Variants in OR51B5 observed in about 807,000 individuals in gnomAD.
OR51B5 encodes olfactory receptor 51B5.
For missense variants in OR51B5, 456 were observed against 374.6 expected, an observed-to-expected ratio of 1.22 and a Z score of -1.79; for synonymous variants, 186 against 144.8, an observed-to-expected ratio of 1.28 and a Z score of -2.04.
chr11:5,487,663 A>G (rs1050174932), intron 1 of OR51B5, among the ~76,000 whole-genome samples: 1 of 152,212 alleles, frequency 6.6e-6, no homozygotes, highest in African/African-American at 2.4e-5. Flanking sequence ...TACAGCAAGA[A>G]CAGAATCCCC....
At chr11:5,479,633 C>T (rs1564827462) in intron 1 of OR51B5, among the ~76,000 whole-genome samples, 1 of 152,056 alleles carries the variant, frequency 6.6e-6, no homozygotes, top group Non-Finnish European at 1.5e-5. Context: ...TGTGCAGAGA[C>T]ACACGTAGGC....
chr11:5,499,114 A>G (rs929768703), intron 1 of OR51B5, among the ~76,000 whole-genome samples: 3 of 152,196 alleles, frequency 2.0e-5, no homozygotes, highest in African/African-American at 7.2e-5. Context: ...AAATTAGGGG[A>G]TGACAGGGCA....
chr11:5,361,166 T>A (rs893275574), intron 1 of OR51B5, among the ~76,000 whole-genome samples: 1 of 150,958 alleles, frequency 6.6e-6, no homozygotes, highest in African/African-American at 2.4e-5. Context: ...GAAAGAAATC[T>A]GCTGCAAAAA....
At chr11:5,414,502 G>C (rs1295743918) in intron 1 of OR51B5, among the ~76,000 whole-genome samples, 1 of 151,936 alleles carries the variant, frequency 6.6e-6, no homozygotes, top group African/African-American at 2.4e-5. Context: ...TGGATAAAGA[G>C]TCAAGACCCA....
intron 1 of OR51B5, among the ~76,000 whole-genome samples, chr11:5,471,967 C>G (rs577750056): frequency 1.3e-5 from 2 of 152,112 alleles, no homozygotes; most frequent in Admixed American, 1.3e-4. Flanking sequence ...CTGAAAGTTC[C>G]GGATCCCATC....
intron 1 of OR51B5, among the ~76,000 whole-genome samples, chr11:5,369,061 T>G (rs980334714): frequency 1.3e-5 from 2 of 152,184 alleles, no homozygotes; most frequent in Non-Finnish European, 2.9e-5. Flanking sequence ...TGAGTGCCTT[T>G]GAAGCAGAAT....
downstream of OR51B5, among the ~76,000 whole-genome samples, chr11:5,342,042 A>G (rs926179568): frequency 6.6e-6 from 1 of 152,206 alleles, no homozygotes; most frequent in Admixed American, 6.5e-5. Flanking sequence ...TAGACTGTTG[A>G]GATGATAAGT....
In OR51B5 at chr11:5,453,880, G is replaced by A. The variant is rs372469717; in HGVS notation, n.84+51689C>T. Reference sequence around the variant, plus strand: ...TATGTGGCCATTTGTGACCCCTTGCGCTATGCAACTGTGCTCACCACTGAA... The same window carrying A: ...TATGTGGCCATTTGTGACCCCTTGCACTATGCAACTGTGCTCACCACTGAA... On this transcript the variant is annotated intron_variant and non_coding_transcript_variant, in intron 1 of 4. Coordinates refer to the OR51B5 transcript ENST00000415970. The A allele has an allele frequency of 3.6e-5, 58 of 1,614,048 alleles. No homozygotes were observed. Among genetic ancestry groups the A allele is most frequent in the African/African-American group, 2.3e-4 (17 of 74,924 alleles).
At chr11:5,470,448 T>C (rs540254518) in intron 1 of OR51B5, among the ~76,000 whole-genome samples, 1 of 152,314 alleles carries the variant, frequency 6.6e-6, no homozygotes, top group South Asian at 2.1e-4. Context: ...TTGGAAATTA[T>C]TGTCTACCCA....
chr11:5,433,818 T>A (rs1353991560), intron 1 of OR51B5, among the ~76,000 whole-genome samples: 1 of 151,430 alleles, frequency 6.6e-6, no homozygotes, highest in Non-Finnish European at 1.5e-5. Context: ...GGCAACAGAA[T>A]GAGATCTTAC....
chr11:5,394,393 AC>A (rs1436717397), intron 1 of OR51B5, among the ~76,000 whole-genome samples: 3 of 152,122 alleles, frequency 2.0e-5, no homozygotes, highest in Non-Finnish European at 4.4e-5. Context: ...ACAACAACAA[AC>A]CAAAAAAAAC....
At chr11:5,350,529 G>C (rs1036028474) in intron 1 of OR51B5, among the ~76,000 whole-genome samples, 13 of 152,044 alleles carry the variant, frequency 8.6e-5, no homozygotes, top group Admixed American at 2.0e-4. Flanking sequence ...TGAAATCTTA[G>C]AATTCTAATG....
At chr11:5,485,463 C>T (rs931027750) in intron 1 of OR51B5, among the ~76,000 whole-genome samples, 1 of 152,204 alleles carries the variant, frequency 6.6e-6, no homozygotes, top group Non-Finnish European at 1.5e-5. Flanking sequence ...TCTGCTTGGG[C>T]TGAGCAATGA....
intron 1 of OR51B5, chr11:5,441,612 T>C (rs1466910078): frequency 1.2e-6 from 1 of 863,084 alleles, no homozygotes; most frequent in Non-Finnish European, 1.8e-6. Flanking sequence ...AGGTCATAGA[T>C]TGAAAATGAT....
intron 1 of OR51B5, among the ~76,000 whole-genome samples, chr11:5,436,014 T>C (rs1850587525): frequency 6.6e-6 from 1 of 152,144 alleles, no homozygotes; most frequent in South Asian, 2.1e-4. Flanking sequence ...AAAAAATCAT[T>C]AATGAATAAA....
At chr11:5,458,880 A>C (rs1118716) in intron 1 of OR51B5, among the ~76,000 whole-genome samples, 21,604 of 152,228 alleles carry the variant, frequency 0.14, 1,819 homozygotes, top group East Asian at 0.37. Flanking sequence ...TTCTAGGTAT[A>C]GAAACATGTC....
intron 1 of OR51B5, among the ~76,000 whole-genome samples, chr11:5,462,292 G>T (rs1301782796): frequency 6.6e-6 from 1 of 152,134 alleles, no homozygotes; most frequent in Non-Finnish European, 1.5e-5. Context: ...AAGAGAACTA[G>T]AATCTAATGC....
intron 1 of OR51B5, among the ~76,000 whole-genome samples, chr11:5,404,031 C>T (rs1850017059): frequency 6.6e-6 from 1 of 151,828 alleles, no homozygotes; most frequent in Non-Finnish European, 1.5e-5. Flanking sequence ...TTCACCCAAC[C>T]TCACCAAGGC....
At chr11:5,369,150 G>GGCTA (rs200275632) in intron 1 of OR51B5, among the ~76,000 whole-genome samples, 5 of 152,060 alleles carry the variant, frequency 3.3e-5, no homozygotes, top group Non-Finnish European at 7.4e-5. Flanking sequence ...AAAGGATGAA[G>GGCTA]TCTTTAAAAA....
Sources: gnomAD v4.1 joint callset for allele counts (sites outside exome capture counted in the v4.1 genomes callset) on GRCh38, gnomAD v4.1.1 for gene constraint, MANE v1.5 for transcripts, NCBI Gene and HGNC (gene_info 2026-07-23, HGNC 2026-07-21) for gene names.